The following PRLR variants were observed in gnomAD, a reference collection of about 807,000 sequenced individuals.
PRLR encodes the protein hPRL receptor.
A neutral mutation model predicts 40.2 loss-of-function variants in PRLR; 13 were observed. That is an observed-to-expected ratio of 0.32 (90% CI 0.21 to 0.51). The LOEUF is 0.51. Among genes scored for constraint, PRLR ranks in the 20% least tolerant of loss-of-function variants. PRLR has a pLI of 0.97. For missense variants in PRLR, 656 were observed against 747.3 expected (o/e 0.88, Z 1.42); for synonymous variants, 269 against 278.7 (o/e 0.97, Z 0.35).
chr5:35,144,385 T>C (rs1050964094), intron 1 of PRLR, among the ~76,000 whole-genome samples: 2 of 152,174 alleles, frequency 1.3e-5, no homozygotes, highest in Non-Finnish European at 2.9e-5. Flanking sequence ...ATGTGTTGTA[T>C]GGGCACCAGA....
chr5:35,097,336 T>TC (rs1771593856), intron 2 of PRLR, among the ~76,000 whole-genome samples: 1 of 152,190 alleles, frequency 6.6e-6, no homozygotes, highest in African/African-American at 2.4e-5. Context: ...TTAACTCGCT[T>TC]CACCCTCACA....
At chr5:35,162,513 A>G (rs577629670) in intron 1 of PRLR, among the ~76,000 whole-genome samples, 23 of 152,236 alleles carry the variant, frequency 1.5e-4, no homozygotes, top group Non-Finnish European at 3.1e-4. Flanking sequence ...ATTTTACCGG[A>G]TTCTTATGAA....
intron 1 of PRLR, among the ~76,000 whole-genome samples, chr5:35,186,366 G>A (rs1001031715): frequency 1.3e-5 from 2 of 151,978 alleles, no homozygotes; most frequent in African/African-American, 2.4e-5. Context: ...CCCTCTCCTC[G>A]AGGTTGTCCC....
chr5:35,095,233 T>C (rs1180453666), intron 2 of PRLR, among the ~76,000 whole-genome samples: 1 of 152,166 alleles, frequency 6.6e-6, no homozygotes, highest in Non-Finnish European at 1.5e-5. Flanking sequence ...GATTAGATAT[T>C]ACATACCAGG....
intron 2 of PRLR, among the ~76,000 whole-genome samples, chr5:35,099,531 C>T (rs376725528): frequency 2.0e-5 from 3 of 152,112 alleles, no homozygotes; most frequent in South Asian, 4.1e-4. Flanking sequence ...CAGTGTACTC[C>T]TTCTACTTAT....
chr5:35,065,119 A>T lies in PRLR; in HGVS notation c.1839T>A (p.Asp613Glu). 1 of 1,613,508 alleles carries T rather than the reference A, an allele frequency of 6.2e-7. No homozygotes were observed. Among genetic ancestry groups the T allele is most frequent in the Non-Finnish European group, 8.5e-7 (1 of 1,179,536 alleles). ...GAAAGGAGTGTGTAAAACATGCGGG[A>T]TCCAGGTAATCCAAACCACCCAGCT... is the stretch of plus-strand genomic sequence containing the variant. ...RLQLGGLDYL[D>E]PACFTHSFH Residue 613 changes from aspartate (D) to glutamate (E), a missense_variant, in exon 10 of 10, where the codon GAT (aspartate) becomes GAA (glutamate). Coordinates refer to ENST00000618457, the MANE Select transcript of PRLR (RefSeq NM_000949.7).
At chr5:35,088,528 C>T (rs1001210869) in intron 3 of PRLR, among the ~76,000 whole-genome samples, 1 of 152,174 alleles carries the variant, frequency 6.6e-6, no homozygotes, top group African/African-American at 2.4e-5. Context: ...CTTTTTCTCT[C>T]TCTGAAAGCT....
chr5:35,121,920 GT>G (rs1773306299), intron 1 of PRLR, among the ~76,000 whole-genome samples: 1 of 152,134 alleles, frequency 6.6e-6, no homozygotes, highest in African/African-American at 2.4e-5. Context: ...TTGCCAAATA[GT>G]ATTTTAGGTG....
intron 2 of PRLR, among the ~76,000 whole-genome samples, chr5:35,109,553 G>A (rs1772508207): frequency 6.6e-6 from 1 of 152,142 alleles, no homozygotes; most frequent in African/African-American, 2.4e-5. Flanking sequence ...AAAAGTTGGT[G>A]AAGGATATGA....
intron 2 of PRLR, among the ~76,000 whole-genome samples, chr5:35,106,456 A>T (rs1202096519): frequency 6.6e-6 from 1 of 152,360 alleles, no homozygotes; most frequent in South Asian, 2.1e-4. Flanking sequence ...GTCAAGACCC[A>T]TCAGTGTGCT....
At chr5:35,184,610 T>C (rs888876585) in intron 1 of PRLR, among the ~76,000 whole-genome samples, 3 of 152,224 alleles carry the variant, frequency 2.0e-5, no homozygotes, top group Non-Finnish European at 4.4e-5. Context: ...GGCATGTGCA[T>C]GGGATCCATT....
intron 1 of PRLR, among the ~76,000 whole-genome samples, chr5:35,145,319 G>A (rs1227380892): frequency 6.6e-6 from 1 of 152,172 alleles, no homozygotes; most frequent in East Asian, 1.9e-4. Context: ...TTTCTCTCCA[G>A]GGTCTGCTCC....
At chr5:35,119,704 A>T (rs1193598890) in intron 1 of PRLR, among the ~76,000 whole-genome samples, 1 of 152,176 alleles carries the variant, frequency 6.6e-6, no homozygotes, top group African/African-American at 2.4e-5. Flanking sequence ...CTTTGATTAG[A>T]GTTGTCCTGT....
intron 5 of PRLR, among the ~76,000 whole-genome samples, chr5:35,074,973 T>C (rs935036198): frequency 1.3e-5 from 2 of 152,160 alleles, no homozygotes; most frequent in African/African-American, 4.8e-5. Context: ...TCAATCTCTG[T>C]ACCAGATGGG....
At chr5:35,077,223 A>G (rs1770168085) in intron 5 of PRLR, among the ~76,000 whole-genome samples, 1 of 152,230 alleles carries the variant, frequency 6.6e-6, no homozygotes, top group Non-Finnish European at 1.5e-5. Context: ...AATGGGCTAA[A>G]TGCTCCAATT....
intron 1 of PRLR, among the ~76,000 whole-genome samples, chr5:35,187,788 C>T (rs2111998156): frequency 6.6e-6 from 1 of 152,266 alleles, no homozygotes; most frequent in East Asian, 1.9e-4. Flanking sequence ...CCAGGGTTTT[C>T]CTGCTGGAGC....
intron 1 of PRLR, among the ~76,000 whole-genome samples, chr5:35,201,127 G>T (rs1470381249): frequency 6.6e-6 from 1 of 152,120 alleles, no homozygotes; most frequent in Admixed American, 6.6e-5. Flanking sequence ...TGACAATAAA[G>T]ATAGTACTCA....
At chr5:35,196,328 A>G (rs1587606) in intron 1 of PRLR, among the ~76,000 whole-genome samples, 128,070 of 152,164 alleles carry the variant, frequency 0.84, 54,763 homozygotes, top group Non-Finnish European at 0.91. Flanking sequence ...GTGAAGAGGG[A>G]AAATAACACA....
intron 8 of PRLR, 110 bp from the exon 9 acceptor site, chr5:35,068,395 T>C (rs1161802133): frequency 7.8e-6 from 7 of 902,522 alleles, no homozygotes; most frequent in Admixed American, 3.8e-5. Context: ...AGGACTTGGT[T>C]TGGCAGCTCC....
Sources: gnomAD v4.1 joint callset for allele counts (sites outside exome capture counted in the v4.1 genomes callset) on GRCh38, gnomAD v4.1.1 for gene constraint, MANE v1.5 for transcripts, NCBI Gene and HGNC (gene_info 2026-07-23, HGNC 2026-07-21) for gene names.